Variants in PEPD observed in about 807,000 individuals in gnomAD.
PEPD encodes the protein xaa-Pro dipeptidase.
PEPD carries 53 observed loss-of-function variants against 60.7 expected under a neutral mutation model. That is an observed-to-expected ratio of 0.87 (90% CI 0.70 to 1.10). The LOEUF (loss-of-function observed/expected upper bound fraction) is 1.10. Among genes scored for constraint, PEPD ranks in the 50% least tolerant of loss-of-function variants. The pLI is 0.00. For missense variants in PEPD, 711 were observed against 711.9 expected, an observed-to-expected ratio of 1.00 and a Z score of 0.01; for synonymous variants, 267 against 284.1, an observed-to-expected ratio of 0.94 and a Z score of 0.60.
chr19:33,414,624 G>A (rs73927850), intron 9 of PEPD, among the ~76,000 whole-genome samples: 18,814 of 141,240 alleles, frequency 0.13, 1,295 homozygotes, highest in East Asian at 0.25. Flanking sequence ...CGTTGCGGCC[G>A]CCCAAGGGCA....
At chr19:33,441,377 C>T (rs552845037) in intron 9 of PEPD, among the ~76,000 whole-genome samples, 5 of 152,356 alleles carry the variant, frequency 3.3e-5, no homozygotes, top group East Asian at 1.9e-4. Context: ...CCTGATTCCT[C>T]GATAACCACT....
At chr19:33,451,056 C>T (rs1055994789) in intron 9 of PEPD, among the ~76,000 whole-genome samples, 2 of 152,204 alleles carry the variant, frequency 1.3e-5, no homozygotes, top group Admixed American at 6.5e-5. Context: ...GACTGCAAAA[C>T]CGCCCTGAGC....
chr19:33,392,609 G>A (rs1968251763), intron 12 of PEPD, among the ~76,000 whole-genome samples: 1 of 152,212 alleles, frequency 6.6e-6, no homozygotes, highest in African/African-American at 2.4e-5. Flanking sequence ...AAGTCCCTGC[G>A]GCACCTCCTG....
chr19:33,475,722 G>A (rs1970202563), intron 7 of PEPD, among the ~76,000 whole-genome samples: 1 of 152,192 alleles, frequency 6.6e-6, no homozygotes, highest in African/African-American at 2.4e-5. Flanking sequence ...TCCCATGTGA[G>A]GCAGTATAAG....
intron 12 of PEPD, among the ~76,000 whole-genome samples, chr19:33,401,460 C>A (rs559452554): frequency 1.3e-5 from 2 of 152,154 alleles, no homozygotes; most frequent in Admixed American, 6.5e-5. Flanking sequence ...AGTGGAGATG[C>A]GCAGGTGGAG....
intron 9 of PEPD, among the ~76,000 whole-genome samples, chr19:33,419,120 C>G (rs75983562): frequency 0.088 from 13,465 of 152,230 alleles, 864 homozygotes; most frequent in East Asian, 0.24. Flanking sequence ...CACCTTCCCA[C>G]CAGGGCTTCC....
At chr19:33,443,976 G>A (rs963009106) in intron 9 of PEPD, among the ~76,000 whole-genome samples, 5 of 151,956 alleles carry the variant, frequency 3.3e-5, no homozygotes, top group South Asian at 4.1e-4. Flanking sequence ...ACGCGCGTGC[G>A]CGCGCACACA....
At chr19:33,438,036 G>A (rs992355596) in intron 9 of PEPD, among the ~76,000 whole-genome samples, 10 of 152,182 alleles carry the variant, frequency 6.6e-5, no homozygotes, top group Non-Finnish European at 1.3e-4. Context: ...AACAGGAGCC[G>A]GTGCATGAGA....
intron 4 of PEPD, among the ~76,000 whole-genome samples, chr19:33,494,146 C>A (rs974641940): frequency 6.6e-6 from 1 of 152,180 alleles, no homozygotes; most frequent in Non-Finnish European, 1.5e-5. Context: ...CCTCTGCCAG[C>A]CCCTCCTCCT....
At chr19:33,392,069 G>A (rs540334550) in intron 12 of PEPD, among the ~76,000 whole-genome samples, 55 of 152,350 alleles carry the variant, frequency 3.6e-4, no homozygotes, top group Non-Finnish European at 6.9e-4. Flanking sequence ...CTGGGGAGAA[G>A]GTGCGGCTGG....
chr19:33,480,690 G>C (rs1054048468), intron 6 of PEPD, among the ~76,000 whole-genome samples: 1 of 152,144 alleles, frequency 6.6e-6, no homozygotes, highest in African/African-American at 2.4e-5. Flanking sequence ...AGCTACTCAG[G>C]AGGCTGAGGC....
intron 12 of PEPD, among the ~76,000 whole-genome samples, chr19:33,397,465 G>A (rs1424628531): frequency 6.6e-6 from 1 of 152,090 alleles, no homozygotes; most frequent in Non-Finnish European, 1.5e-5. Flanking sequence ...TCGATGCTAC[G>A]GGAGGCGACC....
At chr19:33,498,406 C>T (rs1455921544) in intron 4 of PEPD, among the ~76,000 whole-genome samples, 2 of 152,228 alleles carry the variant, frequency 1.3e-5, no homozygotes, top group Non-Finnish European at 1.5e-5. Context: ...GGTGGCCTGT[C>T]TCTTACTTTG....
chr19:33,414,109 C>T (rs533871552), intron 9 of PEPD, among the ~76,000 whole-genome samples: 35 of 152,188 alleles, frequency 2.3e-4, no homozygotes, highest in Non-Finnish European at 4.6e-4. Flanking sequence ...TGCGCTCACC[C>T]GGGGAGAGGG....
At chr19:33,407,662 A>G (rs1968662153) in intron 11 of PEPD, among the ~76,000 whole-genome samples, 1 of 152,206 alleles carries the variant, frequency 6.6e-6, no homozygotes, top group African/African-American at 2.4e-5. Context: ...TGAGGGGTTT[A>G]AAAAGGAAAA....
intron 7 of PEPD, 42 bp downstream of exon 7, chr19:33,478,004 C>T (rs751146313): frequency 1.4e-5 from 20 of 1,439,404 alleles, no homozygotes; most frequent in South Asian, 4.7e-5. Context: ...CCCCATGAGC[C>T]GAGCACAACA....
At chr19:33,426,527 T>G (rs2145389005) in intron 9 of PEPD, among the ~76,000 whole-genome samples, 1 of 152,302 alleles carries the variant, frequency 6.6e-6, no homozygotes, top group Non-Finnish European at 1.5e-5. Flanking sequence ...TAGTACCCAG[T>G]TCCCTCCCTA....
intron 10 of PEPD, 42 bp downstream of exon 10, chr19:33,413,532 CT>C: frequency 7.7e-6 from 9 of 1,168,196 alleles, no homozygotes; most frequent in Non-Finnish European, 1.1e-5. Context: ...GCCCTACCTC[CT>C]CCCACTGGTC....
chr19:33,454,151 A>G (rs1029864048), intron 9 of PEPD, among the ~76,000 whole-genome samples: 7 of 152,190 alleles, frequency 4.6e-5, no homozygotes, highest in African/African-American at 1.7e-4. Context: ...AATGCCAGAA[A>G]GGAAGGGAAT....
Sources: allele counts gnomAD v4.1 joint callset (sites outside exome capture counted in the v4.1 genomes callset), GRCh38; gene constraint gnomAD v4.1.1; transcripts MANE v1.5; gene names NCBI Gene and HGNC (gene_info 2026-07-23, HGNC 2026-07-21).